The following BRD7 variants were observed in gnomAD, a reference collection of about 807,000 sequenced individuals.
BRD7 encodes the protein bromodomain containing 7.
Under a neutral mutation model 82.1 loss-of-function variants are expected in BRD7, and 15 were observed. That is an observed-to-expected ratio of 0.18 (90% CI 0.12 to 0.28). BRD7 has a LOEUF of 0.28. Among genes scored for constraint, BRD7 ranks in the 10% least tolerant of loss-of-function variants. The pLI, the probability that BRD7 is intolerant of heterozygous loss-of-function variation, is 1.00. For synonymous variants in BRD7, 232 were observed against 266.9 expected, an observed-to-expected ratio of 0.87 and a Z score of 1.27; for missense variants, 638 against 779.9, an observed-to-expected ratio of 0.82 and a Z score of 2.17.
At chr16:50,362,049 C>A (rs1344709282) in intron 2 of BRD7, among the ~76,000 whole-genome samples, 1 of 152,198 alleles carries the variant, frequency 6.6e-6, no homozygotes, top group African/African-American at 2.4e-5. Flanking sequence ...TACTGAACTA[C>A]CATAAAAAGA....
intron 6 of BRD7, among the ~76,000 whole-genome samples, chr16:50,338,206 A>G (rs2037897635): frequency 6.6e-6 from 1 of 152,208 alleles, no homozygotes; most frequent in Admixed American, 6.5e-5. Context: ...AGATTCTGAG[A>G]GTCTTCCTGC....
intron 2 of BRD7, among the ~76,000 whole-genome samples, chr16:50,358,834 A>C (rs574149435): frequency 3.3e-4 from 50 of 152,232 alleles, no homozygotes; most frequent in Non-Finnish European, 6.0e-4. Flanking sequence ...AAACTACCCT[A>C]AACTGAATAG....
Position 50,368,973 on chromosome 16 carries a change from C to G in BRD7, c.-199G>C, listed in dbSNP as rs890436894. On this transcript the variant is annotated 5_prime_UTR_variant, in exon 1 of 17. Coordinates refer to ENST00000394688, the MANE Select transcript of BRD7 (RefSeq NM_013263.5). ...GCGAGACCCGGCCGGAGCCCGAGAG[C>G]GGCGGCGGGGGGGGCGCGCGGCCGG... 1.4e-5 allele frequency: 2 copies of G among 148,138 alleles called. No homozygotes were observed. Among genetic ancestry groups the G allele is most frequent in the Admixed American group, 1.4e-4 (2 of 14,414 alleles). The allele number at this position is 148,138 out of a possible 1,614,324, so 9.2% of individuals were successfully genotyped here. A position where few individuals can be genotyped will look rare whatever the true frequency, so the allele number is the denominator to read the frequency against.
chr16:50,354,532 AG>A (rs1298541956), intron 3 of BRD7, 50 bp from the exon 4 acceptor site: 1 of 1,468,476 alleles, frequency 6.8e-7, no homozygotes, highest in Non-Finnish European at 9.4e-7. Flanking sequence ...AGTATTCTAG[AG>A]AGTATTATTT....
chr16:50,325,720 G>A (rs1394913976), intron 11 of BRD7, 28 bp downstream of exon 11: 1 of 1,562,762 alleles, frequency 6.4e-7, no homozygotes. Context: ...TTAAACAAAT[G>A]TAATCAGAAT....
intron 5 of BRD7, 90 bp downstream of exon 5, chr16:50,349,933 T>C (rs941125806): frequency 9.1e-6 from 11 of 1,211,728 alleles, no homozygotes; most frequent in East Asian, 5.3e-5. Flanking sequence ...ACTCAATTCT[T>C]TGCAAAATAA....
intron 6 of BRD7, among the ~76,000 whole-genome samples, chr16:50,337,466 G>A (rs1567611139): frequency 6.6e-6 from 1 of 151,762 alleles, no homozygotes; most frequent in African/African-American, 2.4e-5. Flanking sequence ...TTCCATGTTG[G>A]TCATGCTGGT....
intron 5 of BRD7, among the ~76,000 whole-genome samples, chr16:50,341,364 G>A (rs962706508): frequency 7.9e-5 from 12 of 152,196 alleles, no homozygotes; most frequent in African/African-American, 2.6e-4. Context: ...TACTAGGCTG[G>A]GCATAGTGGC....
chr16:50,367,256 AT>A (rs1371539714), intron 2 of BRD7, among the ~76,000 whole-genome samples: 11 of 152,218 alleles, frequency 7.2e-5, no homozygotes, highest in Non-Finnish European at 1.6e-4. Flanking sequence ...AGAGTCTCGT[AT>A]TATTGCCCAG....
intron 2 of BRD7, among the ~76,000 whole-genome samples, chr16:50,358,264 CCT>C (rs945073965): frequency 5.3e-5 from 8 of 150,602 alleles, no homozygotes; most frequent in East Asian, 2.0e-4. Flanking sequence ...GTGGCTCACC[CCT>C]GTCATCCCAG....
intron 4 of BRD7, among the ~76,000 whole-genome samples, chr16:50,351,926 T>TA (rs1313576083): frequency 6.6e-6 from 1 of 152,206 alleles, no homozygotes; most frequent in African/African-American, 2.4e-5. Context: ...TTCTTTGGAA[T>TA]AAGAACATTC....
intron 4 of BRD7, among the ~76,000 whole-genome samples, chr16:50,351,228 C>T (rs977833103): frequency 6.6e-6 from 1 of 152,228 alleles, no homozygotes; most frequent in African/African-American, 2.4e-5. Context: ...CCTCCACTAC[C>T]GGAGGATACT....
intron 6 of BRD7, among the ~76,000 whole-genome samples, chr16:50,335,304 G>A (rs1000550836): frequency 1.8e-4 from 27 of 152,334 alleles, no homozygotes; most frequent in African/African-American, 6.0e-4. Context: ...GCATGTGAGC[G>A]TGTGAAGTCC....
rs1470854541 is a variant in BRD7 at position 50,317,494 on chromosome 16, A to C, written c.*1717T>G. On this transcript the variant is annotated 3_prime_UTR_variant, in exon 17 of 17. Transcript: ENST00000394688. Reference sequence around the variant, plus strand: ...GAGGTCAGCATATTTGTACTCTTGGAATATTTGTTTTTTTCTTCAGTAACA... The same window carrying C: ...GAGGTCAGCATATTTGTACTCTTGGCATATTTGTTTTTTTCTTCAGTAACA... The C allele has an allele frequency of 6.6e-6, 1 of 152,332 alleles. No individual in the cohort carries two copies. The highest frequency in any genetic ancestry group is 2.4e-5 in the African/African-American group (1 of 41,438). The allele number at this position is 152,332 out of a possible 1,614,324, so 9.4% of individuals were successfully genotyped here.
At chr16:50,354,098 C>T (rs1392345379) in intron 4 of BRD7, among the ~76,000 whole-genome samples, 2 of 152,092 alleles carry the variant, frequency 1.3e-5, no homozygotes, top group Non-Finnish European at 2.9e-5. Flanking sequence ...TGTACAAATA[C>T]ATAGAAGGTA....
rs1201582683 is a variant in BRD7, at chr16:50,316,611, A to G, written c.*2600T>C. 1 of 152,356 alleles carries G rather than the reference A, an allele frequency of 6.6e-6. No homozygotes were observed. The highest frequency in any genetic ancestry group is 2.4e-5 in the African/African-American group (1 of 41,440). The allele number at this position is 152,356 out of a possible 1,614,324, so 9.4% of individuals were successfully genotyped here. A position where few individuals can be genotyped will look rare whatever the true frequency, so the allele number is the denominator to read the frequency against. On this transcript the variant is annotated 3_prime_UTR_variant, in exon 17 of 17. Coordinates refer to ENST00000394688, the MANE Select transcript of BRD7 (RefSeq NM_013263.5). ...GCATGCAGAGGCTCCTGGATCTGGG[A>G]AGCCCGCCCCCTCACAAATGCTGAG...
intron 1 of BRD7, 57 bp downstream of exon 1, chr16:50,368,669 C>A: frequency 6.6e-7 from 1 of 1,521,444 alleles, no homozygotes; most frequent in Non-Finnish European, 8.8e-7. Flanking sequence ...TGGGAAAGAG[C>A]GGAAGCCCGG....
At position 50,318,532 on chromosome 16, in the gene BRD7, A is replaced by AGAG. The variant is rs1299152377; in HGVS notation, c.*676_*678dup. 6.6e-6 allele frequency: 1 copy of AGAG among 152,186 alleles called. No individual in the cohort carries two copies. Among genetic ancestry groups the AGAG allele is most frequent in the African/African-American group, 2.4e-5 (1 of 41,410 alleles). 9.4% of individuals were successfully genotyped at this position (152,186 alleles called of 1,614,324 possible). A position where few individuals can be genotyped will look rare whatever the true frequency, so the allele number is the denominator to read the frequency against. On this transcript the variant is annotated 3_prime_UTR_variant, in exon 17 of 17. Coordinates refer to ENST00000394688, the MANE Select transcript of BRD7 (RefSeq NM_013263.5). ...CCATGAATCTTGTGGTCTCCTACTT[A>AGAG]GAGTTCAACTCCTTGGGTACTTGAC...
At chr16:50,351,760 T>C (rs1390255471) in intron 4 of BRD7, among the ~76,000 whole-genome samples, 1 of 152,114 alleles carries the variant, frequency 6.6e-6, no homozygotes, top group Non-Finnish European at 1.5e-5. Context: ...TGCACATATT[T>C]AGAGGGTACA....
Sources: gnomAD v4.1 joint callset for allele counts (sites outside exome capture counted in the v4.1 genomes callset) on GRCh38, gnomAD v4.1.1 for gene constraint, MANE v1.5 for transcripts, NCBI Gene and HGNC (gene_info 2026-07-23, HGNC 2026-07-21) for gene names.